Variants in RBBP8 observed in about 807,000 individuals in gnomAD.
RBBP8 encodes DNA endonuclease RBBP8.
A neutral mutation model predicts 108.3 loss-of-function variants in RBBP8; 88 were observed. The observed-to-expected ratio is 0.81, with a 90% confidence interval of 0.68 to 0.97. RBBP8 has a LOEUF of 0.97. Among genes scored for constraint, RBBP8 ranks in the 50% least tolerant of loss-of-function variants. The pLI is 0.00. For synonymous variants in RBBP8, 332 were observed against 348.2 expected (o/e 0.95, Z 0.52); for missense variants, 1,023 against 1,049.0 (o/e 0.98, Z 0.34).
intron 3 of RBBP8, among the ~76,000 whole-genome samples, chr18:22,948,074 A>G (rs1911722035): frequency 1.3e-5 from 2 of 152,138 alleles, no homozygotes; most frequent in Non-Finnish European, 2.9e-5. Flanking sequence ...GAAAATGTAT[A>G]TGTGTGTAAA....
chr18:23,016,013 G>A (rs906157032), intron 16 of RBBP8, among the ~76,000 whole-genome samples: 38 of 152,080 alleles, frequency 2.5e-4, no homozygotes, highest in African/African-American at 8.7e-4. Context: ...GGGTTCAAGC[G>A]GTTCTTGTGC....
chr18:22,953,159 A>G (rs2144506502), intron 4 of RBBP8, among the ~76,000 whole-genome samples: 1 of 152,330 alleles, frequency 6.6e-6, no homozygotes, highest in South Asian at 2.1e-4. Context: ...CTGTACTTGT[A>G]AGAGAGCTTT....
chr18:23,017,013 A>C, intron 17 of RBBP8, 89 bp downstream of exon 17: 1 of 1,012,894 alleles, frequency 9.9e-7, no homozygotes, highest in Non-Finnish European at 1.5e-6. Context: ...TACAAACCAT[A>C]TTGGTTATAG....
Position 23,026,353 on chromosome 18 carries a change from A to G in RBBP8, c.*113A>G, listed in dbSNP as rs532043282. ...TGATCTTCTGTAAATGGATTTATAA[A>G]TCAGTTTTCTATTGAAAATGTTTGT... On this transcript the variant is annotated 3_prime_UTR_variant, in exon 19 of 19. Transcript: ENST00000327155. The G allele has an allele frequency of 4.8e-5, 46 of 949,590 alleles. No homozygotes were observed. The African/African-American group carries it at 5.6e-4, about 12-fold the overall frequency. 58.8% of individuals were successfully genotyped at this position (949,590 alleles called of 1,614,324 possible). A position where few individuals can be genotyped will look rare whatever the true frequency, so the allele number is the denominator to read the frequency against.
At chr18:23,014,160 G>A (rs1254217602) in intron 16 of RBBP8, among the ~76,000 whole-genome samples, 1 of 150,926 alleles carries the variant, frequency 6.6e-6, no homozygotes, top group Admixed American at 6.6e-5. Flanking sequence ...CACCACGCCT[G>A]GCTAATTTTT....
chr18:23,016,679 A>G (rs2046260160), intron 16 of RBBP8, 149 bp from the exon 17 acceptor site: 1 of 676,252 alleles, frequency 1.5e-6, no homozygotes, highest in Non-Finnish European at 2.6e-6. Flanking sequence ...TACTTGGTGT[A>G]TATATAGTAA....
upstream of RBBP8, among the ~76,000 whole-genome samples, chr18:22,930,814 T>G (rs1004466442): frequency 1.5e-4 from 23 of 152,308 alleles, no homozygotes; most frequent in African/African-American, 5.3e-4. Context: ...CTCTGTCACC[T>G]AGGCTGGAGT....
intron 2 of RBBP8, 58 bp downstream of exon 2, chr18:22,937,018 T>C: frequency 6.2e-7 from 1 of 1,604,446 alleles, no homozygotes; most frequent in South Asian, 1.1e-5. Context: ...AGTGGCTTTG[T>C]ATACCTTTGT....
At chr18:23,022,108 C>T in intron 17 of RBBP8, 21 bp from the exon 18 acceptor site, 1 of 1,564,864 alleles carries the variant, frequency 6.4e-7, no homozygotes, top group Non-Finnish European at 8.8e-7. Context: ...AGTGAAAAAA[C>T]TTACCAGTTT....
intron 17 of RBBP8, among the ~76,000 whole-genome samples, 168 bp from the exon 18 acceptor site, chr18:23,021,961 A>G (rs1222883885): frequency 6.6e-6 from 1 of 152,186 alleles, no homozygotes; most frequent in Non-Finnish European, 1.5e-5. Context: ...AGTAATTAAT[A>G]CTGTCTGTAA....
intron 18 of RBBP8, 63 bp from the exon 19 acceptor site, chr18:23,026,080 A>C (rs893116785): frequency 8.0e-7 from 1 of 1,255,138 alleles, no homozygotes; most frequent in Non-Finnish European, 1.2e-6. Flanking sequence ...TGTTTACTAG[A>C]TATAAGCTGA....
chr18:22,980,693 T>C (rs1688995427), intron 6 of RBBP8, among the ~76,000 whole-genome samples: 1 of 151,738 alleles, frequency 6.6e-6, no homozygotes, highest in Admixed American at 6.6e-5. Flanking sequence ...ATTTCATCCA[T>C]ATGACTTAAG....
chr18:22,989,073 T>C, intron 8 of RBBP8, 148 bp from the exon 9 acceptor site: 3 of 565,872 alleles, frequency 5.3e-6, no homozygotes, highest in Admixed American at 6.3e-5. Flanking sequence ...TTTTGGACTT[T>C]TTGCACAGAA....
At chr18:22,959,870 C>CTTTTTTTTTTTTTTTTTT in intron 4 of RBBP8, among the ~76,000 whole-genome samples, 1 of 86,408 alleles carries the variant, frequency 1.2e-5, no homozygotes, top group Non-Finnish European at 2.2e-5. Flanking sequence ...GATGAACTTT[C>CTTTTTTTTTTTTTTTTTT]TTTTTTTTTT....
chr18:23,011,102 TGAAAC>T (rs2046151607), intron 16 of RBBP8, among the ~76,000 whole-genome samples: 1 of 152,144 alleles, frequency 6.6e-6, no homozygotes, highest in Non-Finnish European at 1.5e-5. Flanking sequence ...GTTCTTGAGT[TGAAAC>T]AAAAAAGGAC....
chr18:22,990,251 G>A (rs1406500326), intron 9 of RBBP8, among the ~76,000 whole-genome samples: 1 of 152,150 alleles, frequency 6.6e-6, no homozygotes, highest in East Asian at 1.9e-4. Flanking sequence ...CATCAGTTTT[G>A]AAGTTTGGTA....
chr18:22,989,499 G>A (rs1915539013), intron 9 of RBBP8, among the ~76,000 whole-genome samples, 181 bp downstream of exon 9: 1 of 152,148 alleles, frequency 6.6e-6, no homozygotes, highest in African/African-American at 2.4e-5. Flanking sequence ...CAGAAATGTA[G>A]AATCTAGAAT....
intron 16 of RBBP8, among the ~76,000 whole-genome samples, chr18:23,007,089 CGGCT>C (rs1230977730): frequency 1.3e-5 from 2 of 149,398 alleles, no homozygotes; most frequent in South Asian, 4.3e-4. Flanking sequence ...GGCGCAATCT[CGGCT>C]CACTGCAACC....
chr18:22,933,787 C>T (rs986324540), intron 1 of RBBP8: 172 of 152,286 alleles, frequency 1.1e-3, no homozygotes, highest in African/African-American at 4.0e-3. Flanking sequence ...CCCGCGCGGG[C>T]TGAGGAAGCG....
Sources: allele counts gnomAD v4.1 joint callset (sites outside exome capture counted in the v4.1 genomes callset), GRCh38; gene constraint gnomAD v4.1.1; transcripts MANE v1.5; gene names NCBI Gene and HGNC (gene_info 2026-07-23, HGNC 2026-07-21).